Variants in MUC4 observed in about 807,000 individuals in gnomAD.
The protein encoded by MUC4 is mucin 4, cell surface associated.
In MUC4, 202 loss-of-function variants were observed where a neutral mutation model predicts 257.9. The ratio of observed to expected loss-of-function variants is 0.78; its 90% CI spans 0.70 to 0.88. The LOEUF (loss-of-function observed/expected upper bound fraction) is 0.88. Ranked by LOEUF, MUC4 falls within the 40% of genes least tolerant of loss-of-function variation. The pLI is 0.00. For missense variants in MUC4, 5,976 were observed against 6,513.7 expected (o/e 0.92, Z 2.84); for synonymous variants, 2,351 against 2,757.1 (o/e 0.85, Z 4.62).
At position 195,773,712 on chromosome 3, in the gene MUC4, C is replaced by T. The variant is rs535791533; in HGVS notation, c.13077+460G>A. On this transcript the variant is annotated intron_variant, in intron 4 of 24. Transcript: ENST00000463781. Reference sequence around the variant, plus strand: ...GCAGGTGTGGACACCCTCTCGCCATCGCTCAGCAGGTGTGGACACCCTCTC... The same window carrying T: ...GCAGGTGTGGACACCCTCTCGCCATTGCTCAGCAGGTGTGGACACCCTCTC... Among the ~76,000 whole-genome samples, 273 of 147,786 alleles carry T rather than the reference C, an allele frequency of 1.8e-3. 1 individual carries two copies. The highest frequency in any genetic ancestry group is 6.4e-3 in the African/African-American group (257 of 40,472).
chr3:195,781,156 A>T lies in MUC4; in HGVS notation c.10424T>A (p.Val3475Asp), dbSNP rs1356413771. 2 of 1,483,956 alleles carry T rather than the reference A, an allele frequency of 1.3e-6. No individual in the cohort carries two copies. Among genetic ancestry groups the T allele is most frequent in the South Asian group, 1.3e-5 (1 of 79,800 alleles). 91.9% of individuals were successfully genotyped at this position (1,483,956 alleles called of 1,614,324 possible). ...ASTGDTTPLP[V>D]TSPSSASTGH... ...TGTAGATGCTGAGGAAGGGCTGGTG[A>T]CAGGAAGAGGGGTGGTGTCACCTGT... Residue 3475 changes from valine (V) to aspartate (D), a missense_variant, in exon 2 of 25, where the codon GTC becomes GAC. Around this residue, in one of 44 missense-constraint regions of MUC4, gnomAD observed 297 missense variants for 240.9 expected, o/e 1.23. Transcript: ENST00000463781.
intron 1 of MUC4, among the ~76,000 whole-genome samples, chr3:195,792,120 A>G (rs1733936927): frequency 1.3e-5 from 2 of 152,214 alleles, no homozygotes; most frequent in South Asian, 2.1e-4. Flanking sequence ...TTGCAACAAA[A>G]GCTAAAATTG....
chr3:195,789,845 G>C lies in MUC4; in HGVS notation c.1735C>G (p.Leu579Val). The C allele has an allele frequency of 1.2e-6, 2 of 1,614,046 alleles. No homozygotes were observed. ...GTCACACTGTAGCTTGGGCTGCTGAGAAGAGCCTCTCCAGTGGTCCCCGTT... is the reference window on the plus strand; with the variant it reads ...GTCACACTGTAGCTTGGGCTGCTGACAAGAGCCTCTCCAGTGGTCCCCGTT... Reference protein sequence around the residue: ...QETGTTGEALLSSPSYSVTQM... With the variant: ...QETGTTGEALVSSPSYSVTQM... Residue 579 changes from leucine to valine, a missense_variant, in exon 2 of 25, where the codon CTC (leucine) becomes GTC (valine). Transcript: ENST00000463781.
intron 14 of MUC4, among the ~76,000 whole-genome samples, 185 bp from the exon 15 acceptor site, chr3:195,761,770 G>A (rs762339461): frequency 1.3e-5 from 2 of 152,194 alleles, no homozygotes; most frequent in Non-Finnish European, 2.9e-5. Flanking sequence ...TTCGGGAGGG[G>A]CGGGAGGAAA....
At chr3:195,804,818 G>A (rs765449559) in intron 1 of MUC4, among the ~76,000 whole-genome samples, 9 of 152,350 alleles carry the variant, frequency 5.9e-5, no homozygotes, top group Non-Finnish European at 1.3e-4. Context: ...TTGTGTATCA[G>A]CCCAGAATCA....
At chr3:195,804,511 G>T (rs1438396180) in intron 1 of MUC4, among the ~76,000 whole-genome samples, 1 of 152,272 alleles carries the variant, frequency 6.6e-6, no homozygotes, top group African/African-American at 2.4e-5. Flanking sequence ...GCTGTGGGTT[G>T]AGGCTTATTC....
Position 195,758,863 on chromosome 3 carries a change from G to A in MUC4, c.14986+261C>T, listed in dbSNP as rs943279131. Among the ~76,000 whole-genome samples, 5 of 151,726 alleles carry A rather than the reference G, an allele frequency of 3.3e-5. No individual in the cohort carries two copies. Among genetic ancestry groups the A allele is most frequent in the African/African-American group, 1.2e-4 (5 of 41,254 alleles). ...TGGGATGACAGGCATGAGCCACCGCGCCCAGCCTTGAATCAGTTCTATGTG... is the reference window on the plus strand; with the variant it reads ...TGGGATGACAGGCATGAGCCACCGCACCCAGCCTTGAATCAGTTCTATGTG... On this transcript the variant is annotated intron_variant, in intron 17 of 24. Coordinates refer to ENST00000463781, the MANE Select transcript of MUC4 (RefSeq NM_018406.7).
In MUC4 at chr3:195,789,580, G is replaced by T; in HGVS notation, c.2000C>A (p.Pro667Gln). Residue 667 changes from proline to glutamine, a missense_variant, in exon 2 of 25, where the codon CCA (proline) becomes CAA (glutamine). By Grantham distance (76) the Pro-to-Gln change is moderately conservative. Transcript: ENST00000463781. Reference protein sequence around the residue: ...PMTDTKTVTTPGSSFTASGHS... With the variant: ...PMTDTKTVTTQGSSFTASGHS... ...CCCACTGGCTGTGAAGGAAGAACCT[G>T]GGGTGGTGACTGTCTTGGTGTCAGT... The T allele has an allele frequency of 6.2e-7, 1 of 1,613,946 alleles. No individual in the cohort carries two copies. The highest frequency in any genetic ancestry group is 1.1e-5 in the South Asian group (1 of 91,072).
rs1300017819 is a variant in MUC4 at position 195,779,524 on chromosome 3, A to T, written c.12056T>A (p.Val4019Asp). Reference sequence around the variant, plus strand: ...TGTGGATGCTGAGGAAGGGCTGGTGACAGGAAGAGGGGTGGCGTGACCTGT... The same window carrying T: ...TGTGGATGCTGAGGAAGGGCTGGTGTCAGGAAGAGGGGTGGCGTGACCTGT... Reference protein sequence around the residue: ...VSTGHATPLPVTSPSSASTGH... With the variant: ...VSTGHATPLPDTSPSSASTGH... Residue 4019 changes from valine (V) to aspartate (D), a missense_variant, in exon 2 of 25, where the codon GTC becomes GAC. This residue lies in a region of MUC4 where 293 missense variants were observed against 294.5 expected (regional missense o/e 1.00). Transcript: ENST00000463781. 1 of 1,249,376 alleles carries T rather than the reference A, an allele frequency of 8.0e-7. No individual in the cohort carries two copies. The highest frequency in any genetic ancestry group is 1.1e-6 in the Non-Finnish European group (1 of 913,548). 77.4% of individuals were successfully genotyped at this position (1,249,376 alleles called of 1,614,324 possible).
chr3:195,763,318 C>G, intron 12 of MUC4, 115 bp downstream of exon 12: 2 of 1,096,716 alleles, frequency 1.8e-6, no homozygotes, highest in Non-Finnish European at 2.4e-6. Flanking sequence ...CTGTGTCCTC[C>G]CTCCCTCCTG....
At chr3:195,801,530 T>G (rs769843309) in intron 1 of MUC4, among the ~76,000 whole-genome samples, 14 of 152,050 alleles carry the variant, frequency 9.2e-5, no homozygotes, top group Non-Finnish European at 1.9e-4. Context: ...CTCCTGCCTG[T>G]GAGCATGTTC....
Position 195,762,145 on chromosome 3 carries a change from G to A in MUC4, c.14454C>T (p.Ile4818=), listed in dbSNP as rs773025814. The change falls in exon 14 of 25, where the codon ATC becomes ATT. Residue 4818 remains isoleucine (I), a synonymous_variant. Coordinates refer to ENST00000463781, the MANE Select transcript of MUC4 (RefSeq NM_018406.7). ...ATVSVIALSN[I]LHASASLPPE... The stretch of plus-strand genomic sequence containing the variant: ...GCGGGAGGCTGGCGGAGGCGTGGAG[G>A]ATGTTGGAGAGCGCGATCACCGAGA... 8.1e-6 allele frequency: 13 copies of A among 1,607,110 alleles called. No individual in the cohort carries two copies. In the African/African-American group the frequency reaches 1.6e-4, roughly 20 times the overall value.
intron 7 of MUC4, among the ~76,000 whole-genome samples, chr3:195,767,537 C>CCAT (rs1425723902): frequency 7.7e-6 from 1 of 129,152 alleles, no homozygotes. Flanking sequence ...ATCGCCACCA[C>CCAT]CATCATCACC....
rs1727067223 is a variant in MUC4 at position 195,780,464 on chromosome 3, A to G, written c.11116T>C (p.Ser3706Pro). Residue 3706 changes from serine to proline, a missense_variant, in exon 2 of 25, where the codon TCC becomes CCC. Ser to Pro is a moderately conservative substitution (Grantham distance 74, BLOSUM62 -1). Coordinates refer to ENST00000463781, the MANE Select transcript of MUC4 (RefSeq NM_018406.7). ...PLPVTIPSSS[S>P]SGHTTPLPVT... ...GGAAGAGGGGTGGTGTGACCTGAGG[A>G]TGATGAGGAAGGGATGGTGACAGGA... is the stretch of plus-strand genomic sequence containing the variant. 2 of 1,524,968 alleles carry G rather than the reference A, an allele frequency of 1.3e-6. No homozygotes were observed. Among genetic ancestry groups the G allele is most frequent in the Non-Finnish European group, 8.8e-7 (1 of 1,137,506 alleles). The allele number at this position is 1,524,968 out of a possible 1,614,324, so 94.5% of individuals were successfully genotyped here. A position where few individuals can be genotyped will look rare whatever the true frequency, so the allele number is the denominator to read the frequency against.
In MUC4 at chr3:195,811,793, C is replaced by T. The variant is rs761940894; in HGVS notation, c.25G>A (p.Val9Ile). Reference protein sequence around the residue: MKGARWRRVPWVSLSCLCL... With the variant: MKGARWRRIPWVSLSCLCL... ...AGGCAGCTCAGGGACACCCAGGGGA[C>T]CCTCCTCCAGCGTGCCCCCTTCATG... Residue 9 changes from valine to isoleucine, a missense_variant, in exon 1 of 25, where the codon GTC becomes ATC. Val to Ile is a conservative substitution (Grantham distance 29). Transcript: ENST00000463781. The T allele has an allele frequency of 2.5e-6, 4 of 1,613,866 alleles. No individual in the cohort carries two copies. The highest frequency in any genetic ancestry group is 3.4e-6 in the Non-Finnish European group (4 of 1,179,982).
rs1391595107 is a variant in MUC4 at position 195,785,910 on chromosome 3, A to T, written c.5670T>A (p.Pro1890=). 6.7e-7 allele frequency: 1 copy of T among 1,501,470 alleles called. No individual in the cohort carries two copies. Among genetic ancestry groups the T allele is most frequent in the African/African-American group, 1.4e-5 (1 of 69,668 alleles). 93.0% of individuals were successfully genotyped at this position (1,501,470 alleles called of 1,614,324 possible). A position where few individuals can be genotyped will look rare whatever the true frequency, so the allele number is the denominator to read the frequency against. ...SVSTGDTTPL[P]VTDTNSASTG... ...TGGATGCTGAGTTAGTGTCGGTGAC[A>T]GGAAGAGGGGTGGTGTCACCTGTGG... Residue 1890 remains proline (P), a synonymous_variant, in exon 2 of 25, where the codon CCT becomes CCA. Coordinates refer to ENST00000463781, the MANE Select transcript of MUC4 (RefSeq NM_018406.7).
At chr3:195,762,021 C>CG in intron 14 of MUC4, 66 bp downstream of exon 14, 2 of 1,504,068 alleles carry the variant, frequency 1.3e-6, no homozygotes, top group Non-Finnish European at 1.8e-6. Context: ...CCCGGGCCGC[C>CG]GGCGTGGGGG....
Position 195,762,250 on chromosome 3 carries a change from C to G in MUC4, c.14349G>C (p.Gln4783His), listed in dbSNP as rs1460026908. ...GGACTCCGGTGGCGTTGAACGTCTC[C>G]TGGCCTGGAGCATCGGGAGGCAGCG... ...FQPDHEDGGG[Q>H]ETFNATGVLL... Residue 4783 changes from glutamine to histidine, a missense_variant, in exon 14 of 25, where the codon CAG becomes CAC. Physicochemically the swap from Gln to His is conservative, Grantham distance 24. Coordinates refer to ENST00000463781, the MANE Select transcript of MUC4 (RefSeq NM_018406.7). 1.9e-6 allele frequency: 3 copies of G among 1,580,248 alleles called. No individual in the cohort carries two copies. In the East Asian group the frequency reaches 7.0e-5, roughly 37 times the overall value.
rs1374171068 is a variant in MUC4 at position 195,755,895 on chromosome 3, G to A, written c.15168+1252C>T. On this transcript the variant is annotated intron_variant, in intron 18 of 24. Transcript: ENST00000463781. This position sits in a 1 kb window ranked among gnomAD's most constrained non-coding sequence, Gnocchi z 5.0. ...TGCGTGTGCATGCGTGTGTGTGTAA[G>A]TGGTGAAGGAGGTAGTTTTGTGTTG... 6.6e-6 allele frequency among the ~76,000 whole-genome samples: 1 copy of A among 152,132 alleles called. No individual in the cohort carries two copies. The highest frequency in any genetic ancestry group is 2.4e-5 in the African/African-American group (1 of 41,420).
Sources: gnomAD v4.1 joint callset for allele counts (sites outside exome capture counted in the v4.1 genomes callset) on GRCh38, gnomAD v4.1.1 for gene constraint, gnomAD v4.1.1 regional missense constraint, Gnocchi (gnomAD v3.1) non-coding constraint, MANE v1.5 for transcripts, NCBI Gene and HGNC (gene_info 2026-07-23, HGNC 2026-07-21) for gene names.